The following TAS2R1 variants were observed in gnomAD, a reference collection of about 807,000 sequenced individuals.
TAS2R1 encodes the protein taste receptor type 2 member 1.
For synonymous variants in TAS2R1, 141 were observed against 134.2 expected, an observed-to-expected ratio of 1.05 and a Z score of -0.35; for missense variants, 370 against 353.4, an observed-to-expected ratio of 1.05 and a Z score of -0.38.
chr5:9,719,030 T>C, the TAS2R1 span, among the ~76,000 whole-genome samples: 1 of 152,232 alleles, frequency 6.6e-6, no homozygotes, highest in Non-Finnish European at 1.5e-5. Flanking sequence ...TTAATTATTA[T>C]GTTAACTGAC....
chr5:9,791,912 C>T, the TAS2R1 span, among the ~76,000 whole-genome samples: 1 of 152,104 alleles, frequency 6.6e-6, no homozygotes, highest in African/African-American at 2.4e-5. Flanking sequence ...TGTGAGCAGC[C>T]GAATCTTCTT....
intron 1 of TAS2R1, among the ~76,000 whole-genome samples, chr5:9,684,678 C>A (rs1251748192): frequency 6.6e-6 from 1 of 152,064 alleles, no homozygotes; most frequent in Non-Finnish European, 1.5e-5. Flanking sequence ...CGCCACCACA[C>A]CCAGCTAGTA....
rs558705772 is a variant in TAS2R1 at position 9,688,597 on chromosome 5, A to G, written c.-242+23575T>C. Among the ~76,000 whole-genome samples the G allele has an allele frequency of 4.6e-5, 7 of 151,908 alleles. No homozygotes were observed. In the East Asian group the frequency reaches 1.4e-3, roughly 29 times the overall value. On this transcript the variant is annotated intron_variant, in intron 1 of 2. Coordinates refer to the TAS2R1 transcript ENST00000506620. Reference sequence around the variant, plus strand: ...CAAAGACTCCAGGATCACAGCTTAGACCCTCTTTTTCTGCTCTCTTTTTGT... The same window carrying G: ...CAAAGACTCCAGGATCACAGCTTAGGCCCTCTTTTTCTGCTCTCTTTTTGT...
At chr5:9,848,271 C>T in the TAS2R1 span, among the ~76,000 whole-genome samples, 1 of 152,212 alleles carries the variant, frequency 6.6e-6, no homozygotes, top group Non-Finnish European at 1.5e-5. Flanking sequence ...CTTTGTAACT[C>T]TTCATCATCA....
chr5:9,804,036 G>C, the TAS2R1 span, among the ~76,000 whole-genome samples: 1 of 152,160 alleles, frequency 6.6e-6, no homozygotes, highest in Non-Finnish European at 1.5e-5. Context: ...TAAGGTAAAG[G>C]GGAGGAAAGA....
chr5:9,703,675 A>G (rs951485675), intron 1 of TAS2R1, among the ~76,000 whole-genome samples: 1 of 152,272 alleles, frequency 6.6e-6, no homozygotes, highest in African/African-American at 2.4e-5. Flanking sequence ...CTTCCTCAGA[A>G]CATGAAAGAA....
the TAS2R1 span, among the ~76,000 whole-genome samples, chr5:9,900,198 C>T: frequency 2.0e-5 from 3 of 152,146 alleles, no homozygotes; most frequent in Admixed American, 6.5e-5. Flanking sequence ...CCCATCAGAT[C>T]CTCATTGATC....
At chr5:9,780,769 T>C in the TAS2R1 span, among the ~76,000 whole-genome samples, 1 of 152,230 alleles carries the variant, frequency 6.6e-6, no homozygotes, top group Non-Finnish European at 1.5e-5. Flanking sequence ...CTAATCTAGG[T>C]ATTTTTGTAA....
the TAS2R1 span, among the ~76,000 whole-genome samples, chr5:9,785,630 C>G: frequency 6.6e-6 from 1 of 152,188 alleles, no homozygotes; most frequent in African/African-American, 2.4e-5. Flanking sequence ...TTTATTCCTT[C>G]TTGAGGACAC....
the TAS2R1 span, among the ~76,000 whole-genome samples, chr5:9,724,975 C>A: frequency 1.3e-5 from 2 of 152,234 alleles, no homozygotes; most frequent in Non-Finnish European, 2.9e-5. Context: ...TGGGGCAGCC[C>A]ATTTGAAACA....
intron 2 of TAS2R1, among the ~76,000 whole-genome samples, chr5:9,656,884 G>A (rs560762766): frequency 6.6e-6 from 1 of 152,208 alleles, no homozygotes; most frequent in East Asian, 1.9e-4. Context: ...CCTGTTAATG[G>A]CATCTCTTTG....
chr5:9,795,261 C>T, the TAS2R1 span, among the ~76,000 whole-genome samples: 13 of 152,170 alleles, frequency 8.5e-5, no homozygotes, highest in Non-Finnish European at 1.9e-4. Context: ...GACACATGCA[C>T]CTTACTAACA....
In TAS2R1 at chr5:9,629,596, T is replaced by C; in HGVS notation, c.437A>G (p.Lys146Arg). ...GTATGGGACCATAAACCCTGCATAT[T>C]TGCTATGGAAAACACAAATCATAGA... ...YVSMICVFHS[K>R]YAGFMVPYFL... Residue 146 changes from lysine to arginine, a missense_variant, in exon 1 of 1, where the codon AAA becomes AGA. Coordinates refer to ENST00000382492, the MANE Select transcript of TAS2R1 (RefSeq NM_019599.3). 6.2e-7 allele frequency: 1 copy of C among 1,614,132 alleles called. No individual in the cohort carries two copies. Among genetic ancestry groups the C allele is most frequent in the Non-Finnish European group, 8.5e-7 (1 of 1,180,024 alleles).
chr5:9,784,501 C>A, the TAS2R1 span, among the ~76,000 whole-genome samples: 1 of 152,200 alleles, frequency 6.6e-6, no homozygotes, highest in African/African-American at 2.4e-5. Context: ...AACAGACAGC[C>A]TGGGAGGATA....
chr5:9,731,386 C>A, the TAS2R1 span, among the ~76,000 whole-genome samples: 1 of 152,150 alleles, frequency 6.6e-6, no homozygotes, highest in African/African-American at 2.4e-5. Flanking sequence ...GCCTCCTCCT[C>A]GTGTCTTCTG....
chr5:9,722,005 C>A, the TAS2R1 span, among the ~76,000 whole-genome samples: 5 of 152,348 alleles, frequency 3.3e-5, no homozygotes, highest in Non-Finnish European at 4.4e-5. Flanking sequence ...TAACTTGCTA[C>A]TTCTGAGAAG....
the TAS2R1 span, among the ~76,000 whole-genome samples, chr5:9,796,008 T>G: frequency 1.3e-5 from 2 of 152,282 alleles, no homozygotes; most frequent in South Asian, 4.1e-4. Flanking sequence ...GGAACTTGTC[T>G]GCAGGCAAAT....
chr5:9,708,409 A>G (rs1741666282), intron 1 of TAS2R1, among the ~76,000 whole-genome samples: 1 of 152,232 alleles, frequency 6.6e-6, no homozygotes, highest in Non-Finnish European at 1.5e-5. Context: ...TTCAAGGGCC[A>G]TTTACCATAT....
At chr5:9,699,626 G>A (rs980264010) in intron 1 of TAS2R1, among the ~76,000 whole-genome samples, 4 of 151,998 alleles carry the variant, frequency 2.6e-5, no homozygotes, top group African/African-American at 7.3e-5. Flanking sequence ...ATTACTCATA[G>A]AAGGACCAAG....
Sources: gnomAD v4.1 joint callset for allele counts (sites outside exome capture counted in the v4.1 genomes callset) on GRCh38, gnomAD v4.1.1 for gene constraint, MANE v1.5 for transcripts, NCBI Gene and HGNC (gene_info 2026-07-23, HGNC 2026-07-21) for gene names.